CERS6: variants seen among roughly 807,000 people sequenced by gnomAD.
CERS6 encodes LAG1 homolog, ceramide synthase 6.
In CERS6, 26 loss-of-function variants were observed where a neutral mutation model predicts 56.8. The observed-to-expected ratio is 0.46, with a 90% CI of 0.34 to 0.63. CERS6 has a LOEUF of 0.63. Among genes scored for constraint, CERS6 ranks in the 30% least tolerant of loss-of-function variants. The probability of loss-of-function intolerance (pLI) is 0.01; values close to 1 mark genes in which losing one functional copy is unlikely to be tolerated. For missense variants in CERS6, 415 were observed against 467.5 expected (o/e 0.89, Z 1.04); for synonymous variants, 164 against 173.3 (o/e 0.95, Z 0.42).
chr2:168,515,623 G>A (rs1313081285), intron 1 of CERS6, among the ~76,000 whole-genome samples: 1 of 151,686 alleles, frequency 6.6e-6, no homozygotes, highest in Non-Finnish European at 1.5e-5. Context: ...AATTGGCCCT[G>A]TTAAAAGGAG....
chr2:168,613,704 G>A (rs1684241969), intron 3 of CERS6, among the ~76,000 whole-genome samples: 2 of 152,130 alleles, frequency 1.3e-5, no homozygotes, highest in African/African-American at 4.8e-5. Context: ...ATGATCTCAT[G>A]TTCACCCATT....
intron 1 of CERS6, among the ~76,000 whole-genome samples, chr2:168,505,382 CAAAAAAAAAAAAAA>C (rs370477008): frequency 1.0e-5 from 1 of 96,376 alleles, no homozygotes; most frequent in African/African-American, 4.0e-5. Context: ...ACCCTGTTTC[CAAAAAAAAAAAAAA>C]AAAAAGAAAA....
intron 3 of CERS6, among the ~76,000 whole-genome samples, chr2:168,580,352 A>T (rs1683378738): frequency 6.6e-6 from 1 of 151,932 alleles, no homozygotes; most frequent in African/African-American, 2.4e-5. Flanking sequence ...GAAATTATAG[A>T]CTCAATTTTT....
At chr2:168,546,829 G>A (rs1383550403) in intron 1 of CERS6, among the ~76,000 whole-genome samples, 1 of 151,986 alleles carries the variant, frequency 6.6e-6, no homozygotes, top group Non-Finnish European at 1.5e-5. Context: ...AGTTTTATTA[G>A]CAATGTCCCC....
Position 168,758,142 on chromosome 2 carries a change from T to G in CERS6, c.846-7450T>G, listed in dbSNP as rs146662675. On this transcript the variant is annotated intron_variant, in intron 8 of 9. Transcript: ENST00000305747. ...AAAACGTGCTAGCAGATTAGTCATC[T>G]TAGGTAGAATCTACTTTCATTTATG... 4.6e-3 allele frequency among the ~76,000 whole-genome samples: 707 copies of G among 152,342 alleles called. 9 individuals carry two copies. Among genetic ancestry groups the G allele is most frequent in the African/African-American group, 0.017 (688 of 41,560 alleles).
chr2:168,480,237 A>G (rs1343532611), intron 1 of CERS6, among the ~76,000 whole-genome samples: 1 of 152,226 alleles, frequency 6.6e-6, no homozygotes, highest in Middle Eastern at 3.2e-3. Flanking sequence ...GTGGAGTAAA[A>G]GTATAGGGAG....
intron 3 of CERS6, among the ~76,000 whole-genome samples, chr2:168,615,745 A>G (rs1329119812): frequency 6.6e-6 from 1 of 152,234 alleles, no homozygotes; most frequent in East Asian, 1.9e-4. Flanking sequence ...ACCTAAGAAT[A>G]ATCGGTGTTC....
At chr2:168,694,574 AC>A (rs1226470946) in intron 5 of CERS6, among the ~76,000 whole-genome samples, 1 of 152,130 alleles carries the variant, frequency 6.6e-6, no homozygotes, top group African/African-American at 2.4e-5. Context: ...CCTATCACCT[AC>A]TGTCTTGTCC....
At chr2:168,507,954 T>TA (rs1694711002) in intron 1 of CERS6, among the ~76,000 whole-genome samples, 1 of 152,186 alleles carries the variant, frequency 6.6e-6, no homozygotes, top group Admixed American at 6.5e-5. Context: ...ATTTAACACA[T>TA]ACATTAAAAA....
At chr2:168,486,465 G>A (rs1415094039) in intron 1 of CERS6, among the ~76,000 whole-genome samples, 1 of 146,844 alleles carries the variant, frequency 6.8e-6, no homozygotes, top group Non-Finnish European at 1.5e-5. Context: ...TGCATTCTAT[G>A]TTTGGATCTG....
chr2:168,702,821 A>G (rs1686837687), intron 6 of CERS6, among the ~76,000 whole-genome samples: 1 of 152,220 alleles, frequency 6.6e-6, no homozygotes, highest in African/African-American at 2.4e-5. Flanking sequence ...ATCCATAACT[A>G]TCTGAAAGTA....
chr2:168,712,328 C>G (rs1687111591), intron 6 of CERS6, among the ~76,000 whole-genome samples: 1 of 152,206 alleles, frequency 6.6e-6, no homozygotes, highest in Admixed American at 6.5e-5. Flanking sequence ...ATTCTCAGAA[C>G]AAACAGGAAT....
At chr2:168,756,676 G>A (rs1004557863) in intron 8 of CERS6, among the ~76,000 whole-genome samples, 2 of 152,152 alleles carry the variant, frequency 1.3e-5, no homozygotes, top group Admixed American at 6.5e-5. Flanking sequence ...ATATTGATGT[G>A]TGTCCTCCAT....
In CERS6 at chr2:168,675,445, G is replaced by A. The variant is rs561221055; in HGVS notation, c.466-15589G>A. Among the ~76,000 whole-genome samples, 612 of 152,058 alleles carry A rather than the reference G, an allele frequency of 4.0e-3. 4 individuals carry two copies. The highest frequency in any genetic ancestry group is 5.5e-3 in the Non-Finnish European group (376 of 67,992). On this transcript the variant is annotated intron_variant, in intron 4 of 9. Transcript: ENST00000305747. ...ACAAAAAACACAAAAAATTAGCTGG[G>A]CATGGTGGCATGCACGTGTAGTTCC...
chr2:168,485,214 T>G (rs1367424396), intron 1 of CERS6, among the ~76,000 whole-genome samples: 1 of 152,096 alleles, frequency 6.6e-6, no homozygotes, highest in Non-Finnish European at 1.5e-5. Context: ...TTTTAATCAG[T>G]TGTAGGTTTA....
At chr2:168,585,194 A>G (rs903906225) in intron 3 of CERS6, among the ~76,000 whole-genome samples, 2 of 152,248 alleles carry the variant, frequency 1.3e-5, no homozygotes, top group African/African-American at 4.8e-5. Flanking sequence ...ATTCATGCTT[A>G]CAGGCTGCTG....
intron 8 of CERS6, among the ~76,000 whole-genome samples, chr2:168,762,725 CAT>C (rs746460068): frequency 2.6e-5 from 4 of 152,080 alleles, no homozygotes; most frequent in Admixed American, 6.6e-5. Context: ...AGAATTTTAA[CAT>C]ATGTGTATTA....
intron 1 of CERS6, among the ~76,000 whole-genome samples, chr2:168,491,403 A>AT (rs1694370116): frequency 6.6e-6 from 1 of 152,112 alleles, no homozygotes; most frequent in South Asian, 2.1e-4. Context: ...TTGACTTTAT[A>AT]TTTAGGAGTC....
At chr2:168,571,473 G>A (rs928538002) in intron 3 of CERS6, among the ~76,000 whole-genome samples, 1 of 152,080 alleles carries the variant, frequency 6.6e-6, no homozygotes, top group African/African-American at 2.4e-5. Flanking sequence ...GTGGAGGATG[G>A]GCATTTGGAC....
Sources: gnomAD v4.1 joint callset for allele counts (sites outside exome capture counted in the v4.1 genomes callset) on GRCh38, gnomAD v4.1.1 for gene constraint, MANE v1.5 for transcripts, NCBI Gene and HGNC (gene_info 2026-07-23, HGNC 2026-07-21) for gene names.